Variants in RNF4 observed in about 807,000 individuals in gnomAD.
RNF4 encodes E3 ubiquitin-protein ligase RNF4.
RNF4 carries 7 observed loss-of-function variants against 24.3 expected under a neutral mutation model. That is an observed-to-expected ratio of 0.29 (90% CI 0.16 to 0.54). The LOEUF (loss-of-function observed/expected upper bound fraction) is 0.54, where lower values mean the gene tolerates loss of function less well. RNF4 is among the 20% of genes least tolerant of loss of function. The pLI, the probability that RNF4 is intolerant of heterozygous loss-of-function variation, is 0.95. For missense variants in RNF4, 209 were observed against 248.5 expected (o/e 0.84, Z 1.07); for synonymous variants, 83 against 84.3 (o/e 0.98, Z 0.09).
rs73078319 is a variant in RNF4, at chr4:2,512,651, C to A, written c.374+54C>A. On this transcript the variant is annotated intron_variant, in intron 6 of 7. Coordinates refer to ENST00000314289, the MANE Select transcript of RNF4 (RefSeq NM_002938.5). This position sits in a 1 kb window ranked among gnomAD's most constrained non-coding sequence, Gnocchi z 4.1. ...GCCATGCTAGGATGTGGGGCCAGGG[C>A]ATGGGAATACTTTTCAGCAAATCTG... 5.0e-6 allele frequency: 8 copies of A among 1,588,276 alleles called. No homozygotes were observed. The Admixed American group carries it at 1.4e-4, about 28-fold the overall frequency.
At chr4:2,503,432 G>A (rs1229190800) in intron 4 of RNF4, among the ~76,000 whole-genome samples, 1 of 152,128 alleles carries the variant, frequency 6.6e-6, no homozygotes, top group Non-Finnish European at 1.5e-5. Flanking sequence ...AAAGGGAGAC[G>A]CTCCTGGCTT....
At chr4:2,469,607 G>A (rs1462265570) in intron 1 of RNF4, 1 of 152,262 alleles carries the variant, frequency 6.6e-6, no homozygotes, top group Non-Finnish European at 1.5e-5. Flanking sequence ...TGCTGTTAGG[G>A]GGAAGACCCG....
chr4:2,487,206 A>G (rs771354756), intron 1 of RNF4, among the ~76,000 whole-genome samples: 41 of 152,352 alleles, frequency 2.7e-4, no homozygotes, highest in Admixed American at 1.7e-3. Flanking sequence ...TCCTGGGCTC[A>G]GGTGATCCTC....
chr4:2,491,132 A>G (rs1578510444), intron 2 of RNF4, among the ~76,000 whole-genome samples: 1 of 152,218 alleles, frequency 6.6e-6, no homozygotes, highest in East Asian at 1.9e-4. Flanking sequence ...TCCCTGTGAC[A>G]TTCTTGGTTC....
chr4:2,498,244 C>T (rs1017461650), intron 3 of RNF4, among the ~76,000 whole-genome samples: 2 of 151,932 alleles, frequency 1.3e-5, no homozygotes, highest in Non-Finnish European at 2.9e-5. Flanking sequence ...AGTGCAATCG[C>T]GTGATCTCGG....
In RNF4 at chr4:2,514,090, G is replaced by C. The variant is rs189678584; in HGVS notation, c.*271G>C. 4.7e-6 allele frequency: 2 copies of C among 423,328 alleles called. No individual in the cohort carries two copies. The highest frequency in any genetic ancestry group is 7.2e-5 in the Admixed American group (2 of 27,590). 26.2% of individuals were successfully genotyped at this position (423,328 alleles called of 1,614,324 possible). A position where few individuals can be genotyped will look rare whatever the true frequency, so the allele number is the denominator to read the frequency against. On this transcript the variant is annotated 3_prime_UTR_variant, in exon 8 of 8. Transcript: ENST00000314289. Reference sequence around the variant, plus strand: ...GGGAGTCAGGCGCATTGGGAATCGTGGTTCCAGTCTGGTTGCAGAATCTGC... The same window carrying C: ...GGGAGTCAGGCGCATTGGGAATCGTCGTTCCAGTCTGGTTGCAGAATCTGC...
chr4:2,494,058 G>A (rs759255013), intron 2 of RNF4, among the ~76,000 whole-genome samples: 59 of 152,130 alleles, frequency 3.9e-4, no homozygotes, highest in Admixed American at 1.2e-3. Flanking sequence ...GGCCAGGCTG[G>A]TCTTGAACTC....
At chr4:2,502,571 C>G (rs972797919) in intron 4 of RNF4, among the ~76,000 whole-genome samples, 3 of 151,562 alleles carry the variant, frequency 2.0e-5, no homozygotes, top group Admixed American at 6.6e-5. Flanking sequence ...ATTCAGGAGG[C>G]TAAGGCAGGA....
intron 1 of RNF4, among the ~76,000 whole-genome samples, chr4:2,482,540 C>T (rs1735274833): frequency 6.6e-6 from 1 of 152,160 alleles, no homozygotes; most frequent in South Asian, 2.1e-4. Context: ...CAGAAATTAC[C>T]TTGTTTTTAT....
intron 3 of RNF4, among the ~76,000 whole-genome samples, chr4:2,497,900 C>G (rs1324042861): frequency 6.6e-6 from 1 of 152,168 alleles, no homozygotes; most frequent in East Asian, 1.9e-4. Flanking sequence ...TCCCAAAGTG[C>G]TGGTATTACA....
At chr4:2,491,334 T>A (rs1295327638) in intron 2 of RNF4, among the ~76,000 whole-genome samples, 1 of 152,144 alleles carries the variant, frequency 6.6e-6, no homozygotes, top group Non-Finnish European at 1.5e-5. Context: ...CGTTCTGGGT[T>A]CAAGTGATTC....
chr4:2,486,917 T>C (rs1263845133), intron 1 of RNF4, among the ~76,000 whole-genome samples: 2 of 152,170 alleles, frequency 1.3e-5, no homozygotes, highest in African/African-American at 4.8e-5. Flanking sequence ...ATGTAAGATA[T>C]TTCTTGAGAT....
At chr4:2,482,709 C>A (rs1040543970) in intron 1 of RNF4, among the ~76,000 whole-genome samples, 3 of 152,222 alleles carry the variant, frequency 2.0e-5, no homozygotes, top group East Asian at 1.9e-4. Flanking sequence ...GGCATCTGAA[C>A]AAGCCTCATT....
chr4:2,480,469 CA>C (rs1452940202), intron 1 of RNF4: 1 of 151,838 alleles, frequency 6.6e-6, no homozygotes, highest in Admixed American at 6.6e-5. Flanking sequence ...GGTGGGGTTT[CA>C]CCATGTTGGC....
chr4:2,485,355 T>C (rs1426044105), intron 1 of RNF4, among the ~76,000 whole-genome samples: 1 of 152,212 alleles, frequency 6.6e-6, no homozygotes, highest in African/African-American at 2.4e-5. Context: ...TTGTTTCTTT[T>C]AAATTCTCTT....
chr4:2,479,083 G>T (rs1735170650), intron 1 of RNF4, among the ~76,000 whole-genome samples: 1 of 152,236 alleles, frequency 6.6e-6, no homozygotes, highest in Non-Finnish European at 1.5e-5. Context: ...TCATTTTGGA[G>T]CTTTGAGATT....
intron 1 of RNF4, among the ~76,000 whole-genome samples, chr4:2,476,821 T>G (rs1735092224): frequency 1.3e-5 from 2 of 151,928 alleles, no homozygotes; most frequent in South Asian, 4.2e-4. Context: ...ACTTTTTTTT[T>G]TTTTTAAAGA....
chr4:2,504,649 C>T (rs1299681385), intron 4 of RNF4, among the ~76,000 whole-genome samples: 2 of 150,010 alleles, frequency 1.3e-5, no homozygotes, highest in Non-Finnish European at 3.0e-5. Flanking sequence ...CTCCTGGGTT[C>T]ACGCCATTCT....
At chr4:2,488,829 T>A (rs943406323) in intron 1 of RNF4, among the ~76,000 whole-genome samples, 1 of 151,900 alleles carries the variant, frequency 6.6e-6, no homozygotes, top group African/African-American at 2.4e-5. Flanking sequence ...TATTTATTTA[T>A]TTTTTTGAGA....
Sources: allele counts gnomAD v4.1 joint callset (sites outside exome capture counted in the v4.1 genomes callset), GRCh38; gene constraint gnomAD v4.1.1; non-coding constraint Gnocchi (gnomAD v3.1); transcripts MANE v1.5; gene names NCBI Gene and HGNC (gene_info 2026-07-23, HGNC 2026-07-21).